SLC8A1: variants seen among roughly 807,000 people sequenced by gnomAD.
The protein encoded by SLC8A1 is solute carrier family 8 member A1, also known as sodium/calcium exchanger 1.
In SLC8A1, 18 loss-of-function variants were observed where a neutral mutation model predicts 68.3. The observed-to-expected ratio is 0.26, with a 90% confidence interval of 0.18 to 0.39. The LOEUF is 0.39. SLC8A1 is among the 10% of genes least tolerant of loss of function. The probability of loss-of-function intolerance (pLI) is 1.00; values close to 1 mark genes in which losing one functional copy is unlikely to be tolerated. For synonymous variants in SLC8A1, 475 were observed against 415.5 expected (o/e 1.14, Z -1.74); for missense variants, 985 against 1,156.7 (o/e 0.85, Z 2.15).
chr2:40,341,469 G>C (rs950377550), intron 2 of SLC8A1, among the ~76,000 whole-genome samples: 1 of 152,104 alleles, frequency 6.6e-6, no homozygotes, highest in Non-Finnish European at 1.5e-5. Context: ...ATCTTTGCAG[G>C]TTACTCTATA....
chr2:40,230,990 G>C (rs1013256823), intron 2 of SLC8A1, among the ~76,000 whole-genome samples: 22 of 152,160 alleles, frequency 1.4e-4, no homozygotes, highest in African/African-American at 5.1e-4. Context: ...TCATCAAACC[G>C]AGTGGTAAGT....
intron 2 of SLC8A1, among the ~76,000 whole-genome samples, chr2:40,221,618 T>C (rs941428476): frequency 6.6e-6 from 1 of 152,168 alleles, no homozygotes; most frequent in African/African-American, 2.4e-5. Context: ...GACATGATTG[T>C]ATATTTAGAA....
intron 2 of SLC8A1, among the ~76,000 whole-genome samples, chr2:40,388,069 A>G (rs905080796): frequency 6.6e-6 from 1 of 152,104 alleles, no homozygotes; most frequent in African/African-American, 2.4e-5. Flanking sequence ...AAAAGTATAT[A>G]ATCCCTTTTC....
intron 7 of SLC8A1, among the ~76,000 whole-genome samples, chr2:40,135,630 C>T (rs1043307794): frequency 3.3e-5 from 5 of 152,000 alleles, no homozygotes; most frequent in African/African-American, 1.2e-4. Flanking sequence ...AGGCAGGAGA[C>T]TTGCTTGAAC....
intron 2 of SLC8A1, among the ~76,000 whole-genome samples, chr2:40,292,171 T>G (rs1575122311): frequency 6.6e-6 from 1 of 152,168 alleles, no homozygotes; most frequent in East Asian, 1.9e-4. Flanking sequence ...ATATACAGGG[T>G]TCTTCTCTTT....
At chr2:40,288,238 C>T (rs2068655696) in intron 2 of SLC8A1, among the ~76,000 whole-genome samples, 1 of 152,162 alleles carries the variant, frequency 6.6e-6, no homozygotes, top group African/African-American at 2.4e-5. Context: ...TGACCTGAAA[C>T]TTTAAAATCA....
At chr2:40,198,876 T>C (rs2053594814) in intron 2 of SLC8A1, among the ~76,000 whole-genome samples, 1 of 151,540 alleles carries the variant, frequency 6.6e-6, no homozygotes, top group South Asian at 2.1e-4. Flanking sequence ...AGGGTTGGCT[T>C]GGTGATCAAT....
intron 2 of SLC8A1, among the ~76,000 whole-genome samples, chr2:40,209,555 C>A (rs2056183588): frequency 6.6e-6 from 1 of 152,156 alleles, no homozygotes; most frequent in Non-Finnish European, 1.5e-5. Flanking sequence ...TTGACTTATA[C>A]TTTACAGGAT....
At chr2:40,319,907 A>C (rs745821552) in intron 2 of SLC8A1, among the ~76,000 whole-genome samples, 17 of 152,124 alleles carry the variant, frequency 1.1e-4, no homozygotes, top group Non-Finnish European at 2.1e-4. Context: ...CGTTATTAAA[A>C]AGTGGCACTA....
chr2:40,310,676 G>C (rs1341083112), intron 2 of SLC8A1, among the ~76,000 whole-genome samples: 2 of 152,098 alleles, frequency 1.3e-5, no homozygotes, highest in Non-Finnish European at 2.9e-5. Context: ...CTGAGCTCTA[G>C]AGGGGCTAAG....
intron 7 of SLC8A1, chr2:40,123,281 C>T (rs1176904891): frequency 2.6e-5 from 4 of 152,220 alleles, no homozygotes; most frequent in Non-Finnish European, 4.4e-5. Context: ...AATGGTAAAG[C>T]AGCTGATCGT....
At chr2:40,480,538 T>A (rs2149911851) in intron 1 of SLC8A1, among the ~76,000 whole-genome samples, 1 of 152,332 alleles carries the variant, frequency 6.6e-6, no homozygotes, top group Non-Finnish European at 1.5e-5. Flanking sequence ...GGAATAAGTT[T>A]TGATTGTTGA....
intron 2 of SLC8A1, among the ~76,000 whole-genome samples, chr2:40,261,255 G>C (rs969128690): frequency 7.9e-5 from 12 of 152,294 alleles, no homozygotes; most frequent in African/African-American, 2.4e-4. Context: ...AACTGGGGAA[G>C]CCCAGGCCAT....
At chr2:40,282,143 T>C (rs1263826806) in intron 2 of SLC8A1, among the ~76,000 whole-genome samples, 6 of 151,614 alleles carry the variant, frequency 4.0e-5, no homozygotes, top group African/African-American at 1.5e-4. Flanking sequence ...TTTTTCTGAC[T>C]TTTTTTTTCT....
chr2:40,197,151 C>T (rs1226621662), intron 2 of SLC8A1, among the ~76,000 whole-genome samples: 1 of 151,978 alleles, frequency 6.6e-6, no homozygotes, highest in East Asian at 1.9e-4. Context: ...TATTCCATGC[C>T]AAGCCATTTG....
intron 4 of SLC8A1, among the ~76,000 whole-genome samples, chr2:40,167,548 C>A (rs563860937): frequency 1.3e-5 from 2 of 152,262 alleles, no homozygotes; most frequent in Non-Finnish European, 2.9e-5. Context: ...ATAGTGTTAA[C>A]TTATTTCATA....
chr2:40,386,140 A>C (rs1683478944), intron 2 of SLC8A1, among the ~76,000 whole-genome samples: 1 of 151,456 alleles, frequency 6.6e-6, no homozygotes, highest in African/African-American at 2.4e-5. Context: ...TATAATTTTA[A>C]TTTTGAAATA....
chr2:40,311,605 A>G, intron 2 of SLC8A1, among the ~76,000 whole-genome samples: 1 of 152,104 alleles, frequency 6.6e-6, no homozygotes, highest in East Asian at 1.9e-4. Flanking sequence ...GTGTATATAC[A>G]AAGAATATAT....
intron 2 of SLC8A1, among the ~76,000 whole-genome samples, chr2:40,395,743 G>A (rs1686711660): frequency 6.6e-6 from 1 of 152,054 alleles, no homozygotes; most frequent in South Asian, 2.1e-4. Flanking sequence ...TTAAGACATG[G>A]GAAAGGAAAA....
Sources: gnomAD v4.1 joint callset for allele counts (sites outside exome capture counted in the v4.1 genomes callset) on GRCh38, gnomAD v4.1.1 for gene constraint, MANE v1.5 for transcripts, NCBI Gene and HGNC (gene_info 2026-07-23, HGNC 2026-07-21) for gene names.